The following CDH18 variants were observed in gnomAD, a reference collection of about 807,000 sequenced individuals.
The protein encoded by CDH18 is cadherin-18.
CDH18 carries 31 observed loss-of-function variants against 67.9 expected under a neutral mutation model. The ratio of observed to expected loss-of-function variants is 0.46; its 90% CI spans 0.34 to 0.62. The LOEUF is 0.62. CDH18 is among the 20% of genes least tolerant of loss of function. The pLI, the probability that CDH18 is intolerant of heterozygous loss-of-function variation, is 0.01. For synonymous variants in CDH18, 362 were observed against 347.2 expected (o/e 1.04, Z -0.48); for missense variants, 890 against 975.5 (o/e 0.91, Z 1.17).
chr5:19,739,181 T>G (rs987530158), intron 4 of CDH18, among the ~76,000 whole-genome samples: 4 of 152,228 alleles, frequency 2.6e-5, no homozygotes, highest in African/African-American at 9.6e-5. Flanking sequence ...AAGGTTGTCA[T>G]GTACTTGTTC....
intron 1 of CDH18, among the ~76,000 whole-genome samples, chr5:20,387,328 A>G (rs1744391560): frequency 6.6e-6 from 1 of 152,112 alleles, no homozygotes; most frequent in Admixed American, 6.6e-5. Flanking sequence ...TCTTTGAAGC[A>G]ACTGTGAATG....
At chr5:20,397,622 C>T (rs966405786) in intron 1 of CDH18, among the ~76,000 whole-genome samples, 4 of 152,084 alleles carry the variant, frequency 2.6e-5, no homozygotes, top group Non-Finnish European at 5.9e-5. Context: ...TTTAGACTAC[C>T]GCTGTCAGAC....
At chr5:19,639,203 C>T (rs989164304) in intron 5 of CDH18, among the ~76,000 whole-genome samples, 3 of 151,866 alleles carry the variant, frequency 2.0e-5, no homozygotes, top group Non-Finnish European at 4.4e-5. Context: ...GGGGTTTCAC[C>T]GTGTTAGCCA....
chr5:19,490,698 C>T (rs1741323891), intron 11 of CDH18, among the ~76,000 whole-genome samples: 1 of 151,906 alleles, frequency 6.6e-6, no homozygotes, highest in East Asian at 1.9e-4. Context: ...CAGGTGTGGG[C>T]CACTGCGCCC....
intron 1 of CDH18, among the ~76,000 whole-genome samples, chr5:20,432,011 A>T (rs1294573633): frequency 6.6e-6 from 1 of 152,150 alleles, no homozygotes; most frequent in East Asian, 1.9e-4. Context: ...GAAATGGATT[A>T]CTCCAAAGGT....
chr5:19,803,427 C>A (rs1178987231), intron 3 of CDH18, among the ~76,000 whole-genome samples: 1 of 152,160 alleles, frequency 6.6e-6, no homozygotes, highest in Non-Finnish European at 1.5e-5. Flanking sequence ...GTAATGAAAT[C>A]TAAACATTCA....
At chr5:19,996,144 C>G (rs559841679) in intron 2 of CDH18, among the ~76,000 whole-genome samples, 5 of 152,026 alleles carry the variant, frequency 3.3e-5, no homozygotes, top group Non-Finnish European at 7.4e-5. Context: ...TACCAATGTG[C>G]ATTTATGCCC....
chr5:19,684,558 CT>C (rs1480623264), intron 5 of CDH18, among the ~76,000 whole-genome samples: 4 of 150,744 alleles, frequency 2.7e-5, no homozygotes, highest in Admixed American at 6.6e-5. Flanking sequence ...TAAACTATAG[CT>C]TTTTTTCAGA....
At chr5:19,957,008 T>C (rs964818237) in intron 2 of CDH18, among the ~76,000 whole-genome samples, 1 of 151,970 alleles carries the variant, frequency 6.6e-6, no homozygotes, top group African/African-American at 2.4e-5. Context: ...ACCACTTACT[T>C]ACATACTAAC....
In CDH18 at chr5:20,399,735, C is replaced by T. The variant is rs548842784; in HGVS notation, c.-579-144230G>A. Among the ~76,000 whole-genome samples the T allele has an allele frequency of 4.6e-5, 7 of 152,124 alleles. No homozygotes were observed. The East Asian group carries it at 1.4e-3, about 29-fold the overall frequency. On this transcript the variant is annotated intron_variant, in intron 1 of 14. Coordinates refer to the CDH18 transcript ENST00000507958. ...ACAATAGTAGCTGTGAATAAATAAGCCCTTACACACATTTTTAATTATAGG... is the reference window on the plus strand; with the variant it reads ...ACAATAGTAGCTGTGAATAAATAAGTCCTTACACACATTTTTAATTATAGG...
At chr5:20,114,805 C>T (rs1747753143) in intron 2 of CDH18, among the ~76,000 whole-genome samples, 1 of 152,046 alleles carries the variant, frequency 6.6e-6, no homozygotes, top group South Asian at 2.1e-4. Flanking sequence ...CTCCCTCTCT[C>T]TATATGTGGA....
chr5:20,298,260 A>AT (rs1455703136), intron 1 of CDH18, among the ~76,000 whole-genome samples: 1 of 152,202 alleles, frequency 6.6e-6, no homozygotes, highest in Non-Finnish European at 1.5e-5. Flanking sequence ...AACTCAAAAA[A>AT]TTATAATTTT....
intron 2 of CDH18, among the ~76,000 whole-genome samples, chr5:20,056,270 C>T (rs1291755921): frequency 6.7e-6 from 1 of 148,800 alleles, no homozygotes; most frequent in African/African-American, 2.5e-5. Context: ...TCCCGTAGTG[C>T]TGGGATTACA....
chr5:19,783,144 T>C (rs555480908), intron 3 of CDH18, among the ~76,000 whole-genome samples: 10 of 152,326 alleles, frequency 6.6e-5, no homozygotes, highest in Non-Finnish European at 1.3e-4. Flanking sequence ...AAAGCCTTTT[T>C]GCTGGTCCAT....
chr5:19,740,380 A>C (rs1231230070), intron 4 of CDH18, among the ~76,000 whole-genome samples: 1 of 152,078 alleles, frequency 6.6e-6, no homozygotes, highest in East Asian at 1.9e-4. Context: ...GATTTAAAAC[A>C]TTTAAAAAAA....
chr5:19,754,753 A>G (rs1771304937), intron 3 of CDH18, among the ~76,000 whole-genome samples: 1 of 152,198 alleles, frequency 6.6e-6, no homozygotes, highest in African/African-American at 2.4e-5. Context: ...GATAGACCAT[A>G]TGATAGGCCA....
At chr5:19,737,136 C>T (rs991900029) in intron 4 of CDH18, among the ~76,000 whole-genome samples, 3 of 152,068 alleles carry the variant, frequency 2.0e-5, no homozygotes, top group African/African-American at 7.2e-5. Context: ...TCACCTTCTA[C>T]CTTCACAGTG....
At chr5:20,156,572 A>C (rs956437929) in intron 2 of CDH18, among the ~76,000 whole-genome samples, 5 of 152,140 alleles carry the variant, frequency 3.3e-5, no homozygotes, top group African/African-American at 7.2e-5. Flanking sequence ...TGGGGACTCC[A>C]GAAGGTGGGG....
intron 2 of CDH18, among the ~76,000 whole-genome samples, chr5:19,874,919 A>T (rs1786764413): frequency 6.6e-6 from 1 of 152,194 alleles, no homozygotes; most frequent in Non-Finnish European, 1.5e-5. Flanking sequence ...GTCACACACC[A>T]TAAGTGCCCT....
Sources: allele counts gnomAD v4.1 joint callset (sites outside exome capture counted in the v4.1 genomes callset), GRCh38; gene constraint gnomAD v4.1.1; transcripts MANE v1.5; gene names NCBI Gene and HGNC (gene_info 2026-07-23, HGNC 2026-07-21).